WDPCP: variants seen among roughly 807,000 people sequenced by gnomAD.
WDPCP encodes WD repeat containing planar cell polarity effector, also known as WD repeat-containing and planar cell polarity effector protein fritz homolog.
In WDPCP, 71 loss-of-function variants were observed where a neutral mutation model predicts 93.1. That is an observed-to-expected ratio of 0.76 (90% CI 0.63 to 0.93). WDPCP has a LOEUF of 0.93. Among genes scored for constraint, WDPCP ranks in the 40% least tolerant of loss-of-function variants. The pLI is 0.00. For missense variants in WDPCP, 844 were observed against 887.4 expected (o/e 0.95, Z 0.62); for synonymous variants, 315 against 315.0 (o/e 1.00, Z 0.00).
At chr2:63,400,183 A>G (rs1030244471) in intron 10 of WDPCP, among the ~76,000 whole-genome samples, 1 of 152,228 alleles carries the variant, frequency 6.6e-6, no homozygotes, top group Non-Finnish European at 1.5e-5. Flanking sequence ...AAAGTATATC[A>G]TATATTTCAG....
intron 15 of WDPCP, among the ~76,000 whole-genome samples, chr2:63,167,903 C>T (rs566480062): frequency 4.0e-4 from 61 of 151,908 alleles, no homozygotes; most frequent in African/African-American, 1.4e-3. Context: ...TCACTTGAGC[C>T]CAGAAGTTCA....
At chr2:63,401,579 C>T (rs138707201) in intron 10 of WDPCP, among the ~76,000 whole-genome samples, 31 of 152,232 alleles carry the variant, frequency 2.0e-4, no homozygotes, top group African/African-American at 6.7e-4. Flanking sequence ...TTGAGACCAG[C>T]TCAAGACCAC....
intron 14 of WDPCP, among the ~76,000 whole-genome samples, chr2:63,215,690 T>A (rs868629466): frequency 1.1e-4 from 16 of 152,148 alleles, no homozygotes; most frequent in South Asian, 2.1e-4. Context: ...CAATGGCAAC[T>A]AAAGCCAAAA....
intron 2 of WDPCP, among the ~76,000 whole-genome samples, chr2:63,729,449 G>T (rs573982833): frequency 3.9e-5 from 6 of 152,194 alleles, no homozygotes; most frequent in East Asian, 1.9e-4. Flanking sequence ...GATTCAGTTT[G>T]TATTTTTCAG....
intron 2 of WDPCP, chr2:63,650,894 C>T (rs970899444): frequency 1.3e-5 from 2 of 152,158 alleles, no homozygotes; most frequent in African/African-American, 2.4e-5. Flanking sequence ...GGTAAAACAA[C>T]ATAAGTACTT....
Position 63,597,398 on chromosome 2 carries a change from G to A in WDPCP, n.488+53261C>T. 1 of 1,405,482 alleles carries A rather than the reference G, an allele frequency of 7.1e-7. No individual in the cohort carries two copies. Among genetic ancestry groups the A allele is most frequent in the Non-Finnish European group, 9.4e-7 (1 of 1,068,384 alleles). The allele number at this position is 1,405,482 out of a possible 1,614,324, so 87.1% of individuals were successfully genotyped here. ...CTGCGTATTTATTGCCATGTCCACAGATGTCATCGCAACAGATAAAGAAGA... is the reference window on the plus strand; with the variant it reads ...CTGCGTATTTATTGCCATGTCCACAAATGTCATCGCAACAGATAAAGAAGA... On this transcript the variant is annotated intron_variant and non_coding_transcript_variant, in intron 3 of 4. Coordinates refer to the WDPCP transcript ENST00000467687.
chr2:63,323,089 T>C (rs1427457166), intron 12 of WDPCP, among the ~76,000 whole-genome samples: 2 of 152,218 alleles, frequency 1.3e-5, no homozygotes, highest in Non-Finnish European at 2.9e-5. Flanking sequence ...AGGAAAGCCA[T>C]TCAGCTCCGG....
intron 1 of WDPCP, among the ~76,000 whole-genome samples, chr2:63,827,167 C>G (rs192278589): frequency 1.3e-5 from 2 of 151,942 alleles, no homozygotes; most frequent in East Asian, 3.9e-4. Flanking sequence ...AAAAATGAGG[C>G]AAGAGTTTAT....
chr2:63,398,264 T>C (rs1693892974), intron 10 of WDPCP, among the ~76,000 whole-genome samples: 1 of 152,142 alleles, frequency 6.6e-6, no homozygotes, highest in South Asian at 2.1e-4. Context: ...AAGGTACTGG[T>C]GAGAATGGAA....
chr2:63,814,767 C>T (rs1670906809), intron 1 of WDPCP, among the ~76,000 whole-genome samples: 1 of 152,170 alleles, frequency 6.6e-6, no homozygotes, highest in Non-Finnish European at 1.5e-5. Context: ...GTTACACTAT[C>T]TACATGTGGC....
At chr2:63,447,835 G>A (rs1288792693) in intron 6 of WDPCP, among the ~76,000 whole-genome samples, 1 of 151,942 alleles carries the variant, frequency 6.6e-6, no homozygotes, top group Non-Finnish European at 1.5e-5. Context: ...TTAAATGTGT[G>A]TATACATACA....
intron 14 of WDPCP, among the ~76,000 whole-genome samples, chr2:63,180,935 A>C (rs1311993339): frequency 2.6e-5 from 4 of 152,154 alleles, no homozygotes; most frequent in Non-Finnish European, 5.9e-5. Context: ...GAGTGATGTT[A>C]AAAATTTTTT....
intron 6 of WDPCP, chr2:63,443,247 C>T (rs1301326527): frequency 1.3e-5 from 2 of 152,096 alleles, no homozygotes; most frequent in Non-Finnish European, 2.9e-5. Flanking sequence ...CAAGTGTGGA[C>T]ACAGATAATA....
At chr2:63,735,755 A>G (rs1669629945) in intron 2 of WDPCP, among the ~76,000 whole-genome samples, 1 of 152,188 alleles carries the variant, frequency 6.6e-6, no homozygotes, top group African/African-American at 2.4e-5. Flanking sequence ...ATGAAATCAG[A>G]ATCGAATAAA....
chr2:63,742,950 C>T (rs1042810340), intron 2 of WDPCP, among the ~76,000 whole-genome samples: 5 of 151,732 alleles, frequency 3.3e-5, no homozygotes, highest in Non-Finnish European at 5.9e-5. Flanking sequence ...CGCAGGTGAA[C>T]GGAAAGAAGG....
At chr2:63,295,126 A>T (rs1461900986) in intron 13 of WDPCP, among the ~76,000 whole-genome samples, 1 of 152,160 alleles carries the variant, frequency 6.6e-6, no homozygotes, top group African/African-American at 2.4e-5. Flanking sequence ...AATCCCCATG[A>T]TAACTGCAAA....
At position 63,774,643 on chromosome 2, in the gene WDPCP, G is replaced by A. The variant is rs184456174; in HGVS notation, n.308+38979C>T. Among the ~76,000 whole-genome samples, 20 of 152,244 alleles carry A rather than the reference G, an allele frequency of 1.3e-4. No individual in the cohort carries two copies. In the East Asian group the frequency reaches 3.7e-3, roughly 28 times the overall value. On this transcript the variant is annotated intron_variant and non_coding_transcript_variant, in intron 2 of 4. Transcript: ENST00000467687. ...CTCATGATCATTTATGGCATACCCA[G>A]TTCTTCCTCCATTGTTCTAAATTGC...
intron 12 of WDPCP, among the ~76,000 whole-genome samples, chr2:63,361,088 T>C (rs1202918992): frequency 6.6e-6 from 1 of 152,144 alleles, no homozygotes; most frequent in Non-Finnish European, 1.5e-5. Flanking sequence ...CAAGATAAGA[T>C]GGAAGAAAGG....
chr2:63,308,900 TGTG>T (rs1406332407), intron 13 of WDPCP, among the ~76,000 whole-genome samples: 2 of 151,722 alleles, frequency 1.3e-5, no homozygotes, highest in Non-Finnish European at 2.9e-5. Context: ...TCAAAGAAAA[TGTG>T]GTAAATATAC....
Sources: allele counts gnomAD v4.1 joint callset (sites outside exome capture counted in the v4.1 genomes callset), GRCh38; gene constraint gnomAD v4.1.1; transcripts MANE v1.5; gene names NCBI Gene and HGNC (gene_info 2026-07-23, HGNC 2026-07-21).